Variants in RPE observed in about 807,000 individuals in gnomAD.
RPE encodes ribulose-phosphate 3-epimerase.
Under a neutral mutation model 24.6 loss-of-function variants are expected in RPE, and 16 were observed. The observed-to-expected ratio is 0.65, with a 90% CI of 0.44 to 0.99. RPE has a LOEUF of 0.99. Ranked by LOEUF, RPE falls within the 50% of genes least tolerant of loss-of-function variation. RPE has a pLI of 0.00. For missense variants in RPE, 240 were observed against 294.5 expected (o/e 0.81, Z 1.35); for synonymous variants, 93 against 98.4 (o/e 0.94, Z 0.33).
chr2:210,018,194 A>G (rs1252413977), intron 5 of RPE: 1 of 1,534,856 alleles, frequency 6.5e-7, no homozygotes, highest in Non-Finnish European at 8.7e-7. Context: ...TGGAAGTGAG[A>G]AATTTTTCCA....
Position 210,003,502 on chromosome 2 carries a change from A to G in RPE, c.122+719A>G, listed in dbSNP as rs1228850284. 10 of 1,252,608 alleles carry G rather than the reference A, an allele frequency of 8.0e-6. No homozygotes were observed. The South Asian group carries it at 1.0e-4, about 13-fold the overall frequency. The allele number at this position is 1,252,608 out of a possible 1,614,324, so 77.6% of individuals were successfully genotyped here. On this transcript the variant is annotated intron_variant, in intron 1 of 5. Coordinates refer to ENST00000359429, the MANE Select transcript of RPE (RefSeq NM_199229.3). ...TTTTTAAGCACCGTAGTTACAGCAC[A>G]TAATATTGTTTGGAGTCAGGATATT... is the stretch of plus-strand genomic sequence containing the variant.
chr2:210,008,025 A>G (rs573525013), intron 1 of RPE, among the ~76,000 whole-genome samples: 1 of 152,330 alleles, frequency 6.6e-6, no homozygotes, highest in Admixed American at 6.5e-5. Flanking sequence ...GAGTCACATG[A>G]GCCACTTGGA....
At chr2:210,006,984 C>T (rs1440103672) in intron 1 of RPE, among the ~76,000 whole-genome samples, 1 of 152,140 alleles carries the variant, frequency 6.6e-6, no homozygotes, top group African/African-American at 2.4e-5. Context: ...ACTTTTTCCC[C>T]TTGTTTGTTT....
chr2:210,003,462 GT>G, intron 1 of RPE: 1 of 1,287,988 alleles, frequency 7.8e-7, no homozygotes, highest in Non-Finnish European at 1.0e-6. Flanking sequence ...AGGGAGGTCA[GT>G]TTTTTGTAAG....
chr2:210,013,407 G>C (rs1379904198), intron 2 of RPE, among the ~76,000 whole-genome samples: 1 of 151,432 alleles, frequency 6.6e-6, no homozygotes, highest in Non-Finnish European at 1.5e-5. Context: ...GTCTTGATGG[G>C]CTCCAGCAGT....
Position 210,005,633 on chromosome 2 carries a change from A to G in RPE, c.122+2850A>G, listed in dbSNP as rs554864590. ...ATACTGCATTTCTGACTTTTGGGGG[A>G]AAAAAAAAAACAGTTCAAAGACTTG... is the stretch of plus-strand genomic sequence containing the variant. On this transcript the variant is annotated intron_variant, in intron 1 of 5. Coordinates refer to ENST00000359429, the MANE Select transcript of RPE (RefSeq NM_199229.3). Among the ~76,000 whole-genome samples, 16 of 139,268 alleles carry G rather than the reference A, an allele frequency of 1.1e-4. No homozygotes were observed. The East Asian group carries it at 2.2e-3, about 19-fold the overall frequency. The allele number at this position is 139,268 out of a possible 152,430, so 91.4% of individuals were successfully genotyped here.
chr2:210,005,544 A>G (rs1408656478), intron 1 of RPE, among the ~76,000 whole-genome samples: 1 of 152,198 alleles, frequency 6.6e-6, no homozygotes, highest in Non-Finnish European at 1.5e-5. Context: ...AACCATGGGA[A>G]CAGAGCAAAG....
At chr2:210,019,506 T>C (rs2093828409) in intron 5 of RPE, among the ~76,000 whole-genome samples, 163 bp from the exon 6 acceptor site, 2 of 152,206 alleles carry the variant, frequency 1.3e-5, no homozygotes, top group Non-Finnish European at 2.9e-5. Context: ...ATTTTAAATT[T>C]TTCTTATTGA....
chr2:210,009,471 CAAG>C (rs1018704996), intron 1 of RPE, among the ~76,000 whole-genome samples, 183 bp from the exon 2 acceptor site: 1 of 152,092 alleles, frequency 6.6e-6, no homozygotes, highest in African/African-American at 2.4e-5. Context: ...GTTGAAATGT[CAAG>C]GAGACATTGC....
At position 210,002,656 on chromosome 2, in the gene RPE, A is replaced by G. The variant is rs765099228; in HGVS notation, c.-6A>G. ...CGTGGGTAACTTGCTTTTGGGAGCC[A>G]GCGGTATGGCGTCGGGCTGCAAGAT... is the stretch of plus-strand genomic sequence containing the variant. On this transcript the variant is annotated 5_prime_UTR_variant, in exon 1 of 6. Transcript: ENST00000359429. 6.2e-7 allele frequency: 1 copy of G among 1,611,550 alleles called. No individual in the cohort carries two copies. The highest frequency in any genetic ancestry group is 1.7e-5 in the Admixed American group (1 of 59,916).
intron 2 of RPE, among the ~76,000 whole-genome samples, chr2:210,012,713 G>A (rs928920511): frequency 3.3e-5 from 5 of 152,204 alleles, no homozygotes; most frequent in African/African-American, 1.2e-4. Context: ...AAATGAGGCT[G>A]TCTCTTCAAG....
intron 1 of RPE, among the ~76,000 whole-genome samples, chr2:210,009,355 G>A (rs543238918): frequency 4.3e-4 from 66 of 152,292 alleles, no homozygotes; most frequent in African/African-American, 1.5e-3. Context: ...ACTTGGGCAA[G>A]TCATAAAGCC....
In RPE at chr2:210,021,657, A is replaced by C. The variant is rs1191581516; in HGVS notation, c.*1866A>C. 4 of 152,532 alleles carry C rather than the reference A, an allele frequency of 2.6e-5. No individual in the cohort carries two copies. Among genetic ancestry groups the C allele is most frequent in the Non-Finnish European group, 4.4e-5 (3 of 67,966 alleles). The allele number at this position is 152,532 out of a possible 1,614,324, so 9.4% of individuals were successfully genotyped here. ...AATCTCTAACAAAAACTTAGTGTCA[A>C]ATCTCACAGATAAGGCCAAATGGCC... is the stretch of plus-strand genomic sequence containing the variant. On this transcript the variant is annotated 3_prime_UTR_variant, in exon 6 of 6. Transcript: ENST00000359429.
intron 3 of RPE, 124 bp from the exon 4 acceptor site, chr2:210,016,383 C>A (rs1575319976): frequency 6.4e-7 from 1 of 1,565,184 alleles, no homozygotes; most frequent in Non-Finnish European, 8.6e-7. Context: ...AAAATACTTA[C>A]ATTTAATAGT....
intron 1 of RPE, among the ~76,000 whole-genome samples, chr2:210,005,356 A>G (rs2093616526): frequency 6.6e-6 from 1 of 152,104 alleles, no homozygotes; most frequent in Non-Finnish European, 1.5e-5. Context: ...TCCCCTGATT[A>G]CAACTGAATT....
intron 5 of RPE, chr2:210,018,668 C>T: frequency 1.0e-6 from 1 of 985,348 alleles, no homozygotes; most frequent in Non-Finnish European, 1.2e-6. Flanking sequence ...TTGCTTTGTA[C>T]TAAACTGTGC....
intron 5 of RPE, chr2:210,018,605 G>C: frequency 5.1e-6 from 5 of 985,216 alleles, no homozygotes; most frequent in Non-Finnish European, 6.0e-6. Context: ...ACTTATGCAG[G>C]AGGGGCTGGC....
chr2:210,021,456 A>G lies in RPE; in HGVS notation c.*1665A>G, dbSNP rs556240732. 1 of 152,710 alleles carries G rather than the reference A, an allele frequency of 6.5e-6. No individual in the cohort carries two copies. The highest frequency in any genetic ancestry group is 1.5e-5 in the Non-Finnish European group (1 of 67,986). 9.5% of individuals were successfully genotyped at this position (152,710 alleles called of 1,614,324 possible). ...ATAACTTTAATTAAAAAACTTACAT[A>G]GAAGATTATAATATCAGACGTGACA... On this transcript the variant is annotated 3_prime_UTR_variant, in exon 6 of 6. Transcript: ENST00000359429.
chr2:210,006,646 G>A (rs780088539), intron 1 of RPE, among the ~76,000 whole-genome samples: 27 of 152,116 alleles, frequency 1.8e-4, no homozygotes, highest in Non-Finnish European at 3.4e-4. Flanking sequence ...TTAAGACAAC[G>A]AAACTATTTC....
Sources: allele counts gnomAD v4.1 joint callset (sites outside exome capture counted in the v4.1 genomes callset), GRCh38; gene constraint gnomAD v4.1.1; transcripts MANE v1.5; gene names NCBI Gene and HGNC (gene_info 2026-07-23, HGNC 2026-07-21).